The following ITGB5 variants were observed in gnomAD, a reference collection of about 807,000 sequenced individuals.
ITGB5 encodes integrin beta-5.
In ITGB5, 38 loss-of-function variants were observed where a neutral mutation model predicts 84.8. The ratio of observed to expected loss-of-function variants is 0.45; its 90% CI spans 0.35 to 0.59. The LOEUF is 0.59. Ranked by LOEUF, ITGB5 falls within the 20% of genes least tolerant of loss-of-function variation. The pLI is 0.01. For synonymous variants in ITGB5, 393 were observed against 414.4 expected (o/e 0.95, Z 0.63); for missense variants, 905 against 1,034.5 (o/e 0.87, Z 1.72).
intron 13 of ITGB5, among the ~76,000 whole-genome samples, chr3:124,765,967 G>A (rs1250301076): frequency 2.0e-5 from 3 of 151,536 alleles, no homozygotes; most frequent in African/African-American, 7.3e-5. Flanking sequence ...GCTGAAGCGG[G>A]AGGATCACCT....
chr3:124,848,780 T>A (rs768191677), intron 3 of ITGB5, among the ~76,000 whole-genome samples: 96 of 51,784 alleles, frequency 1.9e-3, no homozygotes, highest in Non-Finnish European at 5.5e-4. Context: ...CTTCTTTTTT[T>A]ATTTTATTTT....
chr3:124,817,706 A>C lies in ITGB5; in HGVS notation c.1043T>G (p.Phe348Cys), dbSNP rs748384191. The C allele has an allele frequency of 9.5e-6, 15 of 1,576,774 alleles. No individual in the cohort carries two copies. The highest frequency in any genetic ancestry group is 1.2e-5 in the Non-Finnish European group (14 of 1,158,688). ...CGTTGTTCCAGGTATCAGGGCTGTA[A>C]AATTCTTGGGAAAAAAAGTAAAGAA... ...TKNHYMLYKN[F>C]TALIPGTTVE... Residue 348 changes from phenylalanine to cysteine, a missense_variant, in exon 8 of 15, where the codon TTT (phenylalanine) becomes TGT (cysteine). Transcript: ENST00000296181.
rs983733970 is a variant in ITGB5 at position 124,796,260 on chromosome 3, G to C, written c.1693+128C>G. The stretch of plus-strand genomic sequence containing the variant: ...CTACGGGTAGCAAGGCTTGCCCACT[G>C]TCTTCTCCAAGGAGAGCCATGGTAG... On this transcript the variant is annotated intron_variant, in intron 10 of 14. Coordinates refer to ENST00000296181, the MANE Select transcript of ITGB5 (RefSeq NM_002213.5). The C allele has an allele frequency of 4.6e-6, 4 of 873,786 alleles. No homozygotes were observed. The African/African-American group carries it at 6.7e-5, about 15-fold the overall frequency. The allele number at this position is 873,786 out of a possible 1,614,324, so 54.1% of individuals were successfully genotyped here. A position where few individuals can be genotyped will look rare whatever the true frequency, so the allele number is the denominator to read the frequency against.
intron 10 of ITGB5, among the ~76,000 whole-genome samples, chr3:124,775,415 T>G (rs1445224921): frequency 6.6e-6 from 1 of 151,908 alleles, no homozygotes; most frequent in Admixed American, 6.6e-5. Context: ...TGTTGGAGTG[T>G]GAGTGTTTGT....
At chr3:124,824,981 G>A (rs1177916763) in intron 5 of ITGB5, among the ~76,000 whole-genome samples, 2 of 152,122 alleles carry the variant, frequency 1.3e-5, no homozygotes, top group Admixed American at 6.6e-5. Context: ...GGTGGATCAC[G>A]AGGTCAGAAG....
intron 8 of ITGB5, among the ~76,000 whole-genome samples, chr3:124,809,577 T>C (rs848788): frequency 0.48 from 73,025 of 151,788 alleles, 19,765 homozygotes; most frequent in African/African-American, 0.73. Context: ...CTTTGCACAA[T>C]GGCTCCTCTC....
chr3:124,873,372 T>C lies in ITGB5; in HGVS notation c.156+74A>G, dbSNP rs1934149103. The C allele has an allele frequency of 1.3e-5, 12 of 948,556 alleles. 1 individual carries two copies. In the East Asian group the frequency reaches 1.9e-4, roughly 15 times the overall value. The allele number at this position is 948,556 out of a possible 1,614,324, so 58.8% of individuals were successfully genotyped here. ...TTATGTATAGTGAATTAGTGTGTTG[T>C]GGTGTTGGCCTCCTTCTCACCCTCA... On this transcript the variant is annotated intron_variant, in intron 2 of 14. Transcript: ENST00000296181.
intron 2 of ITGB5, among the ~76,000 whole-genome samples, chr3:124,864,673 G>A (rs1339422479): frequency 1.3e-5 from 2 of 151,682 alleles, no homozygotes; most frequent in Non-Finnish European, 2.9e-5. Flanking sequence ...TGGGTACTAC[G>A]CTCACTACTT....
chr3:124,848,238 T>C (rs200441764), intron 4 of ITGB5, 71 bp downstream of exon 4: 469 of 1,563,082 alleles, frequency 3.0e-4, no homozygotes, highest in South Asian at 1.4e-3. Flanking sequence ...ATTCTTTCTT[T>C]GAGCTAAATT....
At chr3:124,820,242 C>T (rs2064680039) in intron 6 of ITGB5, among the ~76,000 whole-genome samples, 1 of 152,214 alleles carries the variant, frequency 6.6e-6, no homozygotes, top group Non-Finnish European at 1.5e-5. Flanking sequence ...CTTTTCCTCC[C>T]TGCCTCCTTG....
At chr3:124,787,773 C>T (rs561534526) in intron 10 of ITGB5, 5 of 152,310 alleles carry the variant, frequency 3.3e-5, no homozygotes, top group Non-Finnish European at 7.3e-5. Context: ...CTGGCTGACT[C>T]CAGAGATGAG....
In ITGB5 at chr3:124,848,525, T is replaced by C; in HGVS notation, c.395A>G (p.Gln132Arg). The C allele has an allele frequency of 1.9e-6, 3 of 1,613,660 alleles. No individual in the cohort carries two copies. Among genetic ancestry groups the C allele is most frequent in the Non-Finnish European group, 2.5e-6 (3 of 1,179,888 alleles). ...DKTTFQLQVRQVEDYPVDLYY... is the reference protein window; with the variant it reads ...DKTTFQLQVRRVEDYPVDLYY... ...CAGGTCCACAGGATAGTCCTCCACC[T>C]GGCGAACCTGTAGCTGGAAGGTGGT... Residue 132 changes from glutamine to arginine, a missense_variant, in exon 4 of 15, where the codon CAG becomes CGG. Coordinates refer to ENST00000296181, the MANE Select transcript of ITGB5 (RefSeq NM_002213.5).
At chr3:124,864,050 A>AAAAGAAAGAAAG (rs375316276) in intron 2 of ITGB5, among the ~76,000 whole-genome samples, 2 of 137,686 alleles carry the variant, frequency 1.5e-5, no homozygotes, top group African/African-American at 5.2e-5. Context: ...AGAAAAAAGA[A>AAAAGAAAGAAAG]AAAGAAAGAA....
intron 5 of ITGB5, among the ~76,000 whole-genome samples, chr3:124,828,265 C>A (rs115784149): frequency 1.9e-3 from 292 of 152,316 alleles, no homozygotes; most frequent in African/African-American, 6.6e-3. Context: ...TCTCTCATAA[C>A]AGGCAAAAAC....
At chr3:124,817,844 A>G in intron 7 of ITGB5, 134 bp from the exon 8 acceptor site, 1 of 599,832 alleles carries the variant, frequency 1.7e-6, no homozygotes, top group Non-Finnish European at 2.9e-6. Context: ...ACCATGAACT[A>G]AAGAAGATCC....
At chr3:124,788,039 C>T (rs977097699) in intron 10 of ITGB5, among the ~76,000 whole-genome samples, 1 of 151,870 alleles carries the variant, frequency 6.6e-6, no homozygotes, top group Non-Finnish European at 1.5e-5. Flanking sequence ...TCCCAAGTAG[C>T]TGGGACCACA....
chr3:124,793,094 TCTC>T (rs1323185670), intron 10 of ITGB5: 3 of 152,076 alleles, frequency 2.0e-5, no homozygotes, highest in Non-Finnish European at 4.4e-5. Flanking sequence ...ATCTCTGTCT[TCTC>T]CTTCAATTCT....
At chr3:124,828,319 T>C (rs538312583) in intron 5 of ITGB5, among the ~76,000 whole-genome samples, 11 of 152,238 alleles carry the variant, frequency 7.2e-5, no homozygotes, top group Admixed American at 6.5e-4. Flanking sequence ...CTGTTGCATA[T>C]CTATGCGATG....
In ITGB5 at chr3:124,834,406, T is replaced by TGAAA. The variant is rs546824782; in HGVS notation, c.780+6973_780+6976dup. Among the ~76,000 whole-genome samples the TGAAA allele has an allele frequency of 3.3e-4, 42 of 127,384 alleles. No homozygotes were observed. In the East Asian group the frequency reaches 5.0e-3, roughly 15 times the overall value. The allele number at this position is 127,384 out of a possible 152,430, so 83.6% of individuals were successfully genotyped here. ...AACTGCTATAAAAAATAAAATCTACTGAAAGAAAGAAAGAAAGAAGGAAAC... is the reference window on the plus strand; with the variant it reads ...AACTGCTATAAAAAATAAAATCTACTGAAAGAAAGAAAGAAAGAAAGAAGGAAAC... On this transcript the variant is annotated intron_variant, in intron 5 of 14. Transcript: ENST00000296181.
Sources: allele counts gnomAD v4.1 joint callset (sites outside exome capture counted in the v4.1 genomes callset), GRCh38; gene constraint gnomAD v4.1.1; transcripts MANE v1.5; gene names NCBI Gene and HGNC (gene_info 2026-07-23, HGNC 2026-07-21).